The following ZNF333 variants were observed in gnomAD, a reference collection of about 807,000 sequenced individuals.
ZNF333 encodes the protein zinc finger protein 333.
ZNF333 carries 61 observed loss-of-function variants against 76.1 expected under a neutral mutation model. That is an observed-to-expected ratio of 0.80 (90% CI 0.65 to 0.99). ZNF333 has a LOEUF of 0.99. Ranked by LOEUF, ZNF333 falls within the 50% of genes least tolerant of loss-of-function variation. The pLI is 0.00. For synonymous variants in ZNF333, 284 were observed against 305.0 expected (o/e 0.93, Z 0.72); for missense variants, 717 against 822.4 (o/e 0.87, Z 1.57).
At chr19:14,691,189 G>A (rs1237488548) in intron 1 of ZNF333, among the ~76,000 whole-genome samples, 1 of 151,980 alleles carries the variant, frequency 6.6e-6, no homozygotes, top group Non-Finnish European at 1.5e-5. Context: ...CTTCTGCTGT[G>A]GGCATCAAGT....
At chr19:14,708,149 A>C (rs918495538) in intron 7 of ZNF333, 31 of 391,020 alleles carry the variant, frequency 7.9e-5, no homozygotes, top group Non-Finnish European at 1.1e-4. Flanking sequence ...CTGGGATTAC[A>C]GGGGTGCGCT....
chr19:14,711,166 T>A (rs1161913339), intron 7 of ZNF333, among the ~76,000 whole-genome samples: 2 of 152,122 alleles, frequency 1.3e-5, no homozygotes, highest in Admixed American at 6.5e-5. Context: ...AAACAAACAG[T>A]CCCTAAATTC....
intron 6 of ZNF333, 23 bp from the exon 7 acceptor site, chr19:14,706,663 G>T (rs200251951): frequency 6.2e-7 from 1 of 1,609,106 alleles, no homozygotes. Flanking sequence ...ACTCTAATCT[G>T]TGACCCCTGT....
At position 14,719,275 on chromosome 19, in the gene ZNF333, A is replaced by T; in HGVS notation, c.1948A>T (p.Ser650Cys). ...HVGRETIRNG[S>C]LPLSMSHPYC... is the part of the protein sequence containing the mutation. ...GGGAAGAGAGACCATTAGGAATGGC[A>T]GCCTGCCTTTATCCATGTCTCATCC... is the stretch of plus-strand genomic sequence containing the variant. The change falls in exon 12 of 12, where the codon AGC becomes TGC. Residue 650 changes from serine to cysteine, a missense_variant. Transcript: ENST00000292530. 1 of 1,614,180 alleles carries T rather than the reference A, an allele frequency of 6.2e-7. No individual in the cohort carries two copies. The highest frequency in any genetic ancestry group is 1.3e-5 in the African/African-American group (1 of 75,056).
intron 6 of ZNF333, chr19:14,705,964 A>G (rs997038588): frequency 5.1e-6 from 2 of 389,978 alleles, no homozygotes; most frequent in African/African-American, 4.1e-5. Context: ...GCATGAGGAG[A>G]AAAGGCCTCT....
chr19:14,720,491 GGATA>G lies in ZNF333; in HGVS notation c.*1170_*1173del. ...GCTTCTGTAATCTAAAAAATATTTA[GGATA>G]GATTTAATAGAATTGGCATATTTAT... On this transcript the variant is annotated 3_prime_UTR_variant, in exon 12 of 12. Coordinates refer to ENST00000292530, the MANE Select transcript of ZNF333 (RefSeq NM_032433.4). 4.1e-6 allele frequency: 4 copies of G among 985,396 alleles called. No individual in the cohort carries two copies. The highest frequency in any genetic ancestry group is 3.6e-6 in the Non-Finnish European group (3 of 829,928). The allele number at this position is 985,396 out of a possible 1,614,324, so 61.0% of individuals were successfully genotyped here. A position where few individuals can be genotyped will look rare whatever the true frequency, so the allele number is the denominator to read the frequency against.
intron 11 of ZNF333, among the ~76,000 whole-genome samples, chr19:14,729,528 T>C (rs1182695178): frequency 6.6e-6 from 1 of 152,004 alleles, no homozygotes; most frequent in East Asian, 1.9e-4. Context: ...CTGGCTAATA[T>C]TTTTTGTAGA....
At chr19:14,698,870 A>ATG (rs1973434354) in intron 4 of ZNF333, among the ~76,000 whole-genome samples, 1 of 143,766 alleles carries the variant, frequency 7.0e-6, no homozygotes, top group African/African-American at 2.6e-5. Context: ...AACAAAAAAC[A>ATG]TGTATGTGTG....
At chr19:14,728,285 T>C (rs2042646539) in intron 11 of ZNF333, among the ~76,000 whole-genome samples, 1 of 152,216 alleles carries the variant, frequency 6.6e-6, no homozygotes, top group South Asian at 2.1e-4. Context: ...CATGAGATAA[T>C]TCTTCGAATA....
In ZNF333 at chr19:14,694,008, A is replaced by G. The variant is rs556001327; in HGVS notation, c.3+514A>G. On this transcript the variant is annotated intron_variant, in intron 2 of 11. Coordinates refer to ENST00000292530, the MANE Select transcript of ZNF333 (RefSeq NM_032433.4). ...AAAAAAAAAAAAAAAAAAAAAAATTAAAAAGTTTAAGCGCTCAGTTTCTCA... is the reference window on the plus strand; with the variant it reads ...AAAAAAAAAAAAAAAAAAAAAAATTGAAAAGTTTAAGCGCTCAGTTTCTCA... 6.6e-5 allele frequency among the ~76,000 whole-genome samples: 10 copies of G among 150,856 alleles called. No homozygotes were observed. In the East Asian group the frequency reaches 2.0e-3, roughly 30 times the overall value.
exon 12 of ZNF333, chr19:14,733,526 T>C (rs1361852895): frequency 6.6e-6 from 1 of 152,028 alleles, no homozygotes; most frequent in East Asian, 1.9e-4. Flanking sequence ...TTGGGGGGTA[T>C]GCCTACAGCT....
intron 7 of ZNF333, chr19:14,708,227 C>T (rs936737541): frequency 1.3e-5 from 5 of 395,058 alleles, no homozygotes; most frequent in African/African-American, 8.3e-5. Context: ...AAGCTGGTCT[C>T]GAACTCTTGA....
At chr19:14,695,477 C>A in intron 3 of ZNF333, 89 bp from the exon 4 acceptor site, 2 of 1,255,874 alleles carry the variant, frequency 1.6e-6, no homozygotes, top group Non-Finnish European at 1.2e-6. Context: ...CATATTGAAG[C>A]TGAAGGAGAG....
At chr19:14,694,177 G>A (rs933933847) in intron 2 of ZNF333, among the ~76,000 whole-genome samples, 11 of 151,968 alleles carry the variant, frequency 7.2e-5, no homozygotes, top group African/African-American at 2.7e-4. Context: ...GCAATTAAAA[G>A]GATTCTCAGA....
chr19:14,705,538 C>T (rs1226230485), intron 6 of ZNF333, among the ~76,000 whole-genome samples: 1 of 152,186 alleles, frequency 6.6e-6, no homozygotes, highest in Non-Finnish European at 1.5e-5. Flanking sequence ...CATCCAGGCT[C>T]AGGGAAGTGA....
chr19:14,724,921 A>T (rs114464535), downstream of ZNF333, among the ~76,000 whole-genome samples: 1 of 152,210 alleles, frequency 6.6e-6, no homozygotes, highest in Non-Finnish European at 1.5e-5. Context: ...GTAGGCAAAT[A>T]CCAAGCACTT....
At chr19:14,732,486 A>G (rs1311636565) in exon 12 of ZNF333, 1 of 152,208 alleles carries the variant, frequency 6.6e-6, no homozygotes, top group Non-Finnish European at 1.5e-5. Context: ...GTATGTGCTC[A>G]TCACATATGT....
chr19:14,718,381 C>T lies in ZNF333; in HGVS notation c.1054C>T (p.His352Tyr), dbSNP rs746895867. 5.9e-5 allele frequency: 96 copies of T among 1,613,982 alleles called. No homozygotes were observed. Among genetic ancestry groups the T allele is most frequent in the Non-Finnish European group, 7.9e-5 (93 of 1,180,034 alleles). ...TAGAAATTCCTTCTTCCAGAGTGCCCACCTAATTGTGCCCGAGAAAATCCG... is the reference window on the plus strand; with the variant it reads ...TAGAAATTCCTTCTTCCAGAGTGCCTACCTAATTGTGCCCGAGAAAATCCG... ...EIRNSFFQSA[H>Y]LIVPEKIRSG... The change falls in exon 12 of 12, where the codon CAC becomes TAC. Residue 352 changes from histidine (H) to tyrosine (Y), a missense_variant. Coordinates refer to ENST00000292530, the MANE Select transcript of ZNF333 (RefSeq NM_032433.4).
intron 4 of ZNF333, among the ~76,000 whole-genome samples, chr19:14,697,448 G>C (rs11880793): frequency 6.9e-6 from 1 of 145,532 alleles, no homozygotes; most frequent in Non-Finnish European, 1.5e-5. Flanking sequence ...TGCAGCCTCA[G>C]CCTTTTGGGC....
Sources: gnomAD v4.1 joint callset for allele counts (sites outside exome capture counted in the v4.1 genomes callset) on GRCh38, gnomAD v4.1.1 for gene constraint, MANE v1.5 for transcripts, NCBI Gene and HGNC (gene_info 2026-07-23, HGNC 2026-07-21) for gene names.